The following NFIX variants were observed in gnomAD, a reference collection of about 807,000 sequenced individuals.
NFIX encodes nuclear factor 1 X-type.
Under a neutral mutation model 53.3 loss-of-function variants are expected in NFIX, and 2 were observed. The ratio of observed to expected loss-of-function variants is 0.04; its 90% CI spans 0.02 to 0.12. The LOEUF is 0.12. Ranked by LOEUF, NFIX falls within the 10% of genes least tolerant of loss-of-function variation. The pLI is 1.00. For synonymous variants in NFIX, 244 were observed against 289.0 expected (o/e 0.84, Z 1.58); for missense variants, 310 against 674.5 (o/e 0.46, Z 5.99).
At chr19:13,086,136 G>A (rs376681167) in intron 8 of NFIX, among the ~76,000 whole-genome samples, 95 of 152,190 alleles carry the variant, frequency 6.2e-4, no homozygotes, top group Non-Finnish European at 5.0e-4. Context: ...CTGCCTGCTC[G>A]GCCTGTGTTC....
intron 2 of NFIX, among the ~76,000 whole-genome samples, chr19:13,044,878 G>GT (rs1278846944): frequency 2.0e-5 from 3 of 152,328 alleles, no homozygotes; most frequent in African/African-American, 7.2e-5. Context: ...AAAGCCCTCT[G>GT]TTTGGATATG....
intron 1 of NFIX, among the ~76,000 whole-genome samples, chr19:13,000,288 C>T (rs2011631179): frequency 6.6e-6 from 1 of 152,026 alleles, no homozygotes; most frequent in Non-Finnish European, 1.5e-5. Context: ...AGTGTGTGCT[C>T]CATAAATGGT....
At position 13,052,921 on chromosome 19, in the gene NFIX, A is replaced by G. The variant is rs1050288660; in HGVS notation, c.560-20126A>G. On this transcript the variant is annotated intron_variant, in intron 2 of 10. Transcript: ENST00000592199. The surrounding 1 kb of genome is among the most constrained non-coding windows in gnomAD (Gnocchi z 5.2). ...TGTTCCCTTCGTCCTGTTCACAGGG[A>G]GGTGGAAATCCAGACAGAAACCTGC... is the stretch of plus-strand genomic sequence containing the variant. Among the ~76,000 whole-genome samples the G allele has an allele frequency of 1.8e-4, 27 of 152,158 alleles. No individual in the cohort carries two copies. The highest frequency in any genetic ancestry group is 6.5e-4 in the African/African-American group (27 of 41,418).
intron 1 of NFIX, among the ~76,000 whole-genome samples, chr19:13,010,426 A>G (rs2012276383): frequency 6.6e-6 from 1 of 152,252 alleles, no homozygotes; most frequent in Admixed American, 6.5e-5. Flanking sequence ...GCTCTCGTAT[A>G]GTTGCTCCCA....
chr19:13,040,640 C>T lies in NFIX; in HGVS notation c.559+15088C>T, dbSNP rs914098106. 2.2e-4 allele frequency among the ~76,000 whole-genome samples: 33 copies of T among 152,174 alleles called. No homozygotes were observed. Among genetic ancestry groups the T allele is most frequent in the Admixed American group, 3.3e-4 (5 of 15,276 alleles). On this transcript the variant is annotated intron_variant, in intron 2 of 10. Transcript: ENST00000592199. This position sits in a 1 kb window ranked among gnomAD's most constrained non-coding sequence, Gnocchi z 4.2. ...GGAGACCCCTTCAGTCTGGGCCTCT[C>T]GGGTCAGAGATGACTGCCGTCCTCC...
At chr19:13,038,160 G>A (rs2145251904) in intron 2 of NFIX, among the ~76,000 whole-genome samples, 1 of 152,308 alleles carries the variant, frequency 6.6e-6, no homozygotes, top group East Asian at 1.9e-4. Context: ...CTTTGAGACA[G>A]TGCCATCTCA....
At position 13,095,774 on chromosome 19, in the gene NFIX, G is replaced by A. The variant is rs1357681534; in HGVS notation, c.*1125G>A. ...ACTTTCAGTTCCTTGGGAGGGTGTT[G>A]GGTGTCGTCCTTTTCAAAAGTGTTT... On this transcript the variant is annotated 3_prime_UTR_variant, in exon 11 of 11. Coordinates refer to ENST00000592199, the MANE Select transcript of NFIX (RefSeq NM_001365902.3). 6.6e-6 allele frequency: 1 copy of A among 152,264 alleles called. No individual in the cohort carries two copies. Among genetic ancestry groups the A allele is most frequent in the African/African-American group, 2.4e-5 (1 of 41,450 alleles). 9.4% of individuals were successfully genotyped at this position (152,264 alleles called of 1,614,324 possible).
At chr19:13,034,235 G>A (rs182064324) in intron 2 of NFIX, among the ~76,000 whole-genome samples, 9 of 152,300 alleles carry the variant, frequency 5.9e-5, no homozygotes, top group East Asian at 1.9e-4. Context: ...CCCAGCTTGC[G>A]GCTCAGCTCA....
chr19:13,091,127 G>A (rs992131271), intron 10 of NFIX, among the ~76,000 whole-genome samples: 1 of 152,166 alleles, frequency 6.6e-6, no homozygotes, highest in African/African-American at 2.4e-5. Context: ...CTCAGGAGGA[G>A]GACAGAGGCA....
At chr19:13,023,268 G>A (rs944686174) in intron 1 of NFIX, among the ~76,000 whole-genome samples, 3 of 147,664 alleles carry the variant, frequency 2.0e-5, no homozygotes, top group Non-Finnish European at 3.0e-5. Context: ...TCACACACAC[G>A]CCCCATCCCA....
intron 2 of NFIX, among the ~76,000 whole-genome samples, chr19:13,053,281 C>A (rs2015439116): frequency 6.6e-6 from 1 of 152,190 alleles, no homozygotes; most frequent in Admixed American, 6.5e-5. Flanking sequence ...TCTCTATCCC[C>A]TAGTCACCCC....
rs375920284 is a variant in NFIX, at chr19:13,092,732, G to T, written c.1495-1903G>T. ...GAACAGGCCCAAGCCTGTGGCAGGTGGGGGTCACCCAGCCCAGGCGCTTCC... is the reference window on the plus strand; with the variant it reads ...GAACAGGCCCAAGCCTGTGGCAGGTTGGGGTCACCCAGCCCAGGCGCTTCC... On this transcript the variant is annotated intron_variant, in intron 10 of 10. Transcript: ENST00000592199. Among the ~76,000 whole-genome samples the T allele has an allele frequency of 4.9e-4, 75 of 152,342 alleles. 2 individuals are homozygous for T. In the South Asian group the frequency reaches 0.014, roughly 28 times the overall value.
rs1017689282 is a variant in NFIX, at chr19:13,051,147, T to C, written c.560-21900T>C. Reference sequence around the variant, plus strand: ...CATGGCTTGGGTACTGTGCTGCAGATCTCATCGCTGAAGGTGTGGCTAAGG... The same window carrying C: ...CATGGCTTGGGTACTGTGCTGCAGACCTCATCGCTGAAGGTGTGGCTAAGG... On this transcript the variant is annotated intron_variant, in intron 2 of 10. Coordinates refer to ENST00000592199, the MANE Select transcript of NFIX (RefSeq NM_001365902.3). This position sits in a 1 kb window ranked among gnomAD's most constrained non-coding sequence, Gnocchi z 5.1. Among the ~76,000 whole-genome samples the C allele has an allele frequency of 6.6e-6, 1 of 152,186 alleles. No homozygotes were observed. Among genetic ancestry groups the C allele is most frequent in the Non-Finnish European group, 1.5e-5 (1 of 68,022 alleles).
chr19:13,048,244 A>G (rs2015112203), intron 2 of NFIX, among the ~76,000 whole-genome samples: 1 of 152,098 alleles, frequency 6.6e-6, no homozygotes, highest in Non-Finnish European at 1.5e-5. Context: ...TCTTCTTTCC[A>G]GCTACCAGGC....
chr19:13,090,406 C>T lies in NFIX; in HGVS notation c.1494+16C>T. The T allele has an allele frequency of 2.5e-6, 4 of 1,608,076 alleles. No individual in the cohort carries two copies. The highest frequency in any genetic ancestry group is 3.4e-6 in the Non-Finnish European group (4 of 1,174,622). ...GCAGTCTCAGGTAGGAGACCCTGCC[C>T]ACCACCTGGATGCAGGGACCAGGGG... On this transcript the variant is annotated intron_variant, in intron 10 of 10. Transcript: ENST00000592199. The surrounding 1 kb of genome is among the most constrained non-coding windows in gnomAD (Gnocchi z 6.6).
intron 2 of NFIX, among the ~76,000 whole-genome samples, chr19:13,046,010 A>C (rs1296524664): frequency 6.6e-6 from 1 of 152,148 alleles, no homozygotes; most frequent in Non-Finnish European, 1.5e-5. Context: ...CTTCTCCCCA[A>C]CACACATCTG....
intron 2 of NFIX, among the ~76,000 whole-genome samples, chr19:13,071,955 G>A (rs1285535949): frequency 6.6e-6 from 1 of 152,230 alleles, no homozygotes; most frequent in Non-Finnish European, 1.5e-5. Flanking sequence ...GGGGCCAGCA[G>A]GTTGAATCAG....
In NFIX at chr19:13,072,995, C is replaced by G; in HGVS notation, c.560-52C>G. The G allele has an allele frequency of 6.4e-7, 1 of 1,568,562 alleles. No homozygotes were observed. Among genetic ancestry groups the G allele is most frequent in the East Asian group, 2.2e-5 (1 of 44,644 alleles). ...TGGAGGGGCCAATGCTTGGCTGGTG[C>G]TTATGGGGAACTTTGCTCCTGATAC... On this transcript the variant is annotated intron_variant, in intron 2 of 10. Transcript: ENST00000592199. This position sits in a 1 kb window ranked among gnomAD's most constrained non-coding sequence, Gnocchi z 4.0.
rs1306570290 is a variant in NFIX, at chr19:13,094,174, C to G, written c.1495-461C>G. ...GGCTGGGGTATATAGATGGGAATTTCTGCTTTTAATCCAAAGAGACAGAAA... is the reference window on the plus strand; with the variant it reads ...GGCTGGGGTATATAGATGGGAATTTGTGCTTTTAATCCAAAGAGACAGAAA... On this transcript the variant is annotated intron_variant, in intron 10 of 10. Coordinates refer to ENST00000592199, the MANE Select transcript of NFIX (RefSeq NM_001365902.3). The surrounding 1 kb of genome is among the most constrained non-coding windows in gnomAD (Gnocchi z 4.3). 6.6e-6 allele frequency among the ~76,000 whole-genome samples: 1 copy of G among 152,192 alleles called. No homozygotes were observed. Among genetic ancestry groups the G allele is most frequent in the African/African-American group, 2.4e-5 (1 of 41,448 alleles).
Sources: allele counts gnomAD v4.1 joint callset (sites outside exome capture counted in the v4.1 genomes callset), GRCh38; gene constraint gnomAD v4.1.1; non-coding constraint Gnocchi (gnomAD v3.1); transcripts MANE v1.5; gene names NCBI Gene and HGNC (gene_info 2026-07-23, HGNC 2026-07-21).